FBXL7: variants seen among roughly 807,000 people sequenced by gnomAD.
FBXL7 encodes the protein F-box/LRR-repeat protein 7.
In FBXL7, 12 loss-of-function variants were observed where a neutral mutation model predicts 38.3. That is an observed-to-expected ratio of 0.31 (90% CI 0.20 to 0.51). FBXL7 has a LOEUF of 0.51. Among genes scored for constraint, FBXL7 ranks in the 20% least tolerant of loss-of-function variants. The pLI, the probability that FBXL7 is intolerant of heterozygous loss-of-function variation, is 0.98. For missense variants in FBXL7, 567 were observed against 676.4 expected (o/e 0.84, Z 1.79); for synonymous variants, 297 against 300.9 (o/e 0.99, Z 0.13).
intron 1 of FBXL7, among the ~76,000 whole-genome samples, chr5:15,578,336 G>T (rs1328949165): frequency 6.6e-6 from 1 of 152,014 alleles, no homozygotes; most frequent in Non-Finnish European, 1.5e-5. Context: ...TCCCCTTTCG[G>T]CAACAATTAG....
chr5:15,892,215 G>A (rs559183728), intron 2 of FBXL7, among the ~76,000 whole-genome samples: 2 of 152,340 alleles, frequency 1.3e-5, no homozygotes. Flanking sequence ...AGGTCCTGAG[G>A]GAAGTGTGCA....
At chr5:15,916,921 A>T (rs1251249534) in intron 2 of FBXL7, among the ~76,000 whole-genome samples, 3 of 152,202 alleles carry the variant, frequency 2.0e-5, no homozygotes, top group African/African-American at 4.8e-5. Context: ...TGCATTTCCC[A>T]TGAAGTCCTC....
intron 2 of FBXL7, among the ~76,000 whole-genome samples, chr5:15,774,340 G>A (rs1427763049): frequency 3.3e-5 from 5 of 152,022 alleles, no homozygotes; most frequent in East Asian, 3.9e-4. Flanking sequence ...TGATCTACAC[G>A]TTCCATTTTA....
At chr5:15,712,855 A>T (rs1013938761) in intron 2 of FBXL7, among the ~76,000 whole-genome samples, 1 of 152,112 alleles carries the variant, frequency 6.6e-6, no homozygotes, top group Non-Finnish European at 1.5e-5. Context: ...ACTTGACCAG[A>T]CTAATAGCCC....
intron 2 of FBXL7, among the ~76,000 whole-genome samples, chr5:15,881,577 T>A (rs540363382): frequency 6.6e-6 from 1 of 152,318 alleles, no homozygotes; most frequent in Admixed American, 6.5e-5. Context: ...GTAGATCTAC[T>A]TTTAGTTCTT....
chr5:15,664,038 C>G (rs931635704), intron 2 of FBXL7, among the ~76,000 whole-genome samples: 1 of 152,144 alleles, frequency 6.6e-6, no homozygotes, highest in African/African-American at 2.4e-5. Context: ...TTCCTTTCTT[C>G]TTTTCTTGCC....
chr5:15,542,793 A>C (rs1043773650), intron 1 of FBXL7, among the ~76,000 whole-genome samples: 1 of 152,214 alleles, frequency 6.6e-6, no homozygotes, highest in Admixed American at 6.5e-5. Context: ...TTAAAATCAT[A>C]AGATACATTA....
intron 2 of FBXL7, among the ~76,000 whole-genome samples, chr5:15,873,251 A>G (rs1408871710): frequency 1.3e-5 from 2 of 152,248 alleles, no homozygotes; most frequent in African/African-American, 4.8e-5. Flanking sequence ...TCTGTGGGAC[A>G]CAGCTAAAGC....
intron 1 of FBXL7, among the ~76,000 whole-genome samples, chr5:15,524,677 T>C (rs190777686): frequency 1.6e-4 from 24 of 152,346 alleles, no homozygotes; most frequent in Admixed American, 5.9e-4. Context: ...AAGTTCCCTC[T>C]TTTTCTTATT....
chr5:15,603,306 G>A (rs1294098043), intron 1 of FBXL7, among the ~76,000 whole-genome samples: 1 of 152,144 alleles, frequency 6.6e-6, no homozygotes, highest in African/African-American at 2.4e-5. Flanking sequence ...ATATTAGGAT[G>A]ATTAATAGCT....
chr5:15,761,522 G>C (rs1505040), intron 2 of FBXL7, among the ~76,000 whole-genome samples: 8,647 of 152,120 alleles, frequency 0.057, 260 homozygotes, highest in East Asian at 0.1. Context: ...ATATTTAAAA[G>C]TCAATCCTAG....
chr5:15,519,382 C>T (rs953896668), intron 1 of FBXL7, among the ~76,000 whole-genome samples: 1 of 151,090 alleles, frequency 6.6e-6, no homozygotes, highest in Admixed American at 6.6e-5. Flanking sequence ...TAAATTCTCC[C>T]GATGTGGTCC....
intron 2 of FBXL7, among the ~76,000 whole-genome samples, chr5:15,638,489 C>T (rs1375076123): frequency 6.6e-6 from 1 of 152,164 alleles, no homozygotes; most frequent in Admixed American, 6.5e-5. Flanking sequence ...TTAAATATAA[C>T]TTCTCCAAGT....
At chr5:15,778,627 T>C (rs1020481839) in intron 2 of FBXL7, among the ~76,000 whole-genome samples, 3 of 152,150 alleles carry the variant, frequency 2.0e-5, no homozygotes, top group Admixed American at 6.6e-5. Flanking sequence ...GTTTTTCTTT[T>C]CCACTTTTTC....
chr5:15,593,264 C>T (rs1193442645), intron 1 of FBXL7, among the ~76,000 whole-genome samples: 1 of 152,068 alleles, frequency 6.6e-6, no homozygotes, highest in Non-Finnish European at 1.5e-5. Context: ...TGGCTCACAC[C>T]TATAATCCCA....
At chr5:15,769,402 A>AAATGGAGT (rs1736672558) in intron 2 of FBXL7, among the ~76,000 whole-genome samples, 25 of 152,366 alleles carry the variant, frequency 1.6e-4, no homozygotes, top group Admixed American at 1.4e-3. Context: ...ACCCAGGATG[A>AAATGGAGT]GATGGAGAAA....
chr5:15,899,533 C>G (rs190001982), intron 2 of FBXL7, among the ~76,000 whole-genome samples: 175 of 152,150 alleles, frequency 1.2e-3, no homozygotes, highest in African/African-American at 3.4e-3. Context: ...TTTTTATAAG[C>G]TTTGGTCTGA....
intron 2 of FBXL7, among the ~76,000 whole-genome samples, chr5:15,771,863 G>A (rs924188713): frequency 1.3e-5 from 2 of 150,086 alleles, no homozygotes; most frequent in Non-Finnish European, 3.0e-5. Flanking sequence ...CGCCTGCTGG[G>A]TTCAAGCAAT....
rs911762733 is a variant in FBXL7, at chr5:15,937,367, G to T, written c.*181G>T. On this transcript the variant is annotated 3_prime_UTR_variant, in exon 4 of 4. Coordinates refer to ENST00000504595, the MANE Select transcript of FBXL7 (RefSeq NM_012304.5). Reference sequence around the variant, plus strand: ...GGGCAACAGAGGCCAAAGAAACGAAGCAAGACAAACAGCAAACAGGCATTT... The same window carrying T: ...GGGCAACAGAGGCCAAAGAAACGAATCAAGACAAACAGCAAACAGGCATTT... 2.6e-6 allele frequency: 2 copies of T among 758,786 alleles called. No individual in the cohort carries two copies. The highest frequency in any genetic ancestry group is 3.5e-5 in the African/African-American group (2 of 56,942). The allele number at this position is 758,786 out of a possible 1,614,324, so 47.0% of individuals were successfully genotyped here. A position where few individuals can be genotyped will look rare whatever the true frequency, so the allele number is the denominator to read the frequency against.
Sources: allele counts gnomAD v4.1 joint callset (sites outside exome capture counted in the v4.1 genomes callset), GRCh38; gene constraint gnomAD v4.1.1; transcripts MANE v1.5; gene names NCBI Gene and HGNC (gene_info 2026-07-23, HGNC 2026-07-21).